Variants in NTRK2 observed in about 807,000 individuals in gnomAD.
NTRK2 encodes the protein BDNF/NT-3 growth factors receptor.
A neutral mutation model predicts 94.5 loss-of-function variants in NTRK2; 13 were observed. The observed-to-expected ratio is 0.14, with a 90% CI of 0.09 to 0.22. The LOEUF is 0.22. NTRK2 is among the 10% of genes least tolerant of loss of function. The probability of loss-of-function intolerance (pLI) is 1.00; values close to 1 mark genes in which losing one functional copy is unlikely to be tolerated. For synonymous variants in NTRK2, 372 were observed against 407.4 expected (o/e 0.91, Z 1.05); for missense variants, 639 against 1,071.2 (o/e 0.60, Z 5.63).
At chr9:84,821,341 A>T (rs1202676281) in intron 12 of NTRK2, among the ~76,000 whole-genome samples, 1 of 97,882 alleles carries the variant, frequency 1.0e-5, no homozygotes, top group Admixed American at 1.1e-4. Flanking sequence ...ACACACACAC[A>T]CACACCCCTA....
At chr9:84,771,028 T>TA (rs2066494233) in intron 12 of NTRK2, among the ~76,000 whole-genome samples, 1 of 152,194 alleles carries the variant, frequency 6.6e-6, no homozygotes, top group Non-Finnish European at 1.5e-5. Context: ...TAGGAAGAGA[T>TA]AAAATACATT....
intron 2 of NTRK2, among the ~76,000 whole-genome samples, chr9:84,671,485 A>G (rs2131276031): frequency 6.6e-6 from 1 of 152,310 alleles, no homozygotes; most frequent in East Asian, 1.9e-4. Context: ...GATTTTGCTT[A>G]GGAGATGGCA....
Position 84,741,937 on chromosome 9 carries a change from G to C in NTRK2, c.1195+10G>C, listed in dbSNP as rs769400820. The C allele has an allele frequency of 1.2e-6, 2 of 1,608,176 alleles. No individual in the cohort carries two copies. Among genetic ancestry groups the C allele is most frequent in the South Asian group, 1.1e-5 (1 of 90,836 alleles). ...GATGTAATTTATGAAGGTAGCTATC[G>C]TGTTTTCTACTTTGTATTTCTTTTT... On this transcript the variant is annotated intron_variant, in intron 10 of 18. Coordinates refer to ENST00000277120, the MANE Select transcript of NTRK2 (RefSeq NM_006180.6).
chr9:84,771,869 C>T (rs75594098), intron 12 of NTRK2, among the ~76,000 whole-genome samples: 2,691 of 152,218 alleles, frequency 0.018, 79 homozygotes, highest in African/African-American at 0.055. Flanking sequence ...AGGGCCACTT[C>T]GGGGTATCGT....
At chr9:85,016,206 A>G (rs564456607) in intron 17 of NTRK2, among the ~76,000 whole-genome samples, 5 of 152,276 alleles carry the variant, frequency 3.3e-5, no homozygotes, top group African/African-American at 1.2e-4. Flanking sequence ...TTCACATTTT[A>G]CCAATAAAGA....
At chr9:85,011,980 T>TATTTTATTTTATTTTATTTC in intron 17 of NTRK2, among the ~76,000 whole-genome samples, 1 of 149,654 alleles carries the variant, frequency 6.7e-6, no homozygotes, top group South Asian at 2.1e-4. Flanking sequence ...TATTTTATTT[T>TATTTTATTTTATTTTATTTC]ATTTTATTTT....
At chr9:84,944,213 T>TCACACA (rs1238064532) in intron 15 of NTRK2, among the ~76,000 whole-genome samples, 114 of 136,886 alleles carry the variant, frequency 8.3e-4, no homozygotes, top group Middle Eastern at 3.7e-3. Context: ...TCTCTCTCTC[T>TCACACA]CTCACACACA....
chr9:84,765,315 C>T (rs954365697), intron 12 of NTRK2, among the ~76,000 whole-genome samples: 1 of 152,088 alleles, frequency 6.6e-6, no homozygotes, highest in South Asian at 2.1e-4. Flanking sequence ...TCATGTACCC[C>T]ATAAATATGT....
intron 15 of NTRK2, among the ~76,000 whole-genome samples, chr9:84,944,192 T>TTCTCTCTCTC (rs61035000): frequency 1.5e-5 from 2 of 135,164 alleles, no homozygotes; most frequent in Non-Finnish European, 3.1e-5. Flanking sequence ...GAAAAGCTTG[T>TTCTCTCTCTC]TCTCTCTCTC....
At chr9:84,937,055 C>T (rs1435073713) in intron 15 of NTRK2, among the ~76,000 whole-genome samples, 1 of 152,176 alleles carries the variant, frequency 6.6e-6, no homozygotes, top group Non-Finnish European at 1.5e-5. Flanking sequence ...ACTCGCCAGC[C>T]TGACCTGCTC....
chr9:84,712,439 T>G (rs1373313971), intron 6 of NTRK2, among the ~76,000 whole-genome samples: 1 of 152,032 alleles, frequency 6.6e-6, no homozygotes, highest in African/African-American at 2.4e-5. Flanking sequence ...TGTCTAAGAG[T>G]GAGGTTTTGA....
intron 12 of NTRK2, among the ~76,000 whole-genome samples, chr9:84,792,422 T>C (rs1369572753): frequency 6.6e-6 from 1 of 152,204 alleles, no homozygotes; most frequent in Non-Finnish European, 1.5e-5. Context: ...AAAAATATCA[T>C]TGGATTTCCC....
At chr9:84,692,380 A>G (rs1275552636) in intron 2 of NTRK2, among the ~76,000 whole-genome samples, 1 of 152,132 alleles carries the variant, frequency 6.6e-6, no homozygotes, top group Non-Finnish European at 1.5e-5. Context: ...AACAGGTAAA[A>G]GTAACTTAAA....
intron 12 of NTRK2, among the ~76,000 whole-genome samples, chr9:84,809,233 T>G (rs887928584): frequency 6.6e-6 from 1 of 152,096 alleles, no homozygotes; most frequent in Admixed American, 6.5e-5. Flanking sequence ...CTGTCATTTA[T>G]TGAGCAAATT....
chr9:84,697,279 T>C (rs2060441346), intron 2 of NTRK2, among the ~76,000 whole-genome samples: 1 of 152,060 alleles, frequency 6.6e-6, no homozygotes, highest in South Asian at 2.1e-4. Context: ...GTGAGGCAAG[T>C]GCGGGGACAT....
intron 6 of NTRK2, among the ~76,000 whole-genome samples, chr9:84,718,575 T>C (rs1486998873): frequency 6.6e-6 from 1 of 152,174 alleles, no homozygotes; most frequent in Non-Finnish European, 1.5e-5. Context: ...GAGGTATCTG[T>C]CTGCCTGAGA....
At chr9:84,880,769 C>A (rs758494663) in intron 14 of NTRK2, among the ~76,000 whole-genome samples, 13 of 152,262 alleles carry the variant, frequency 8.5e-5, no homozygotes, top group South Asian at 2.1e-4. Context: ...CACTTCTTTA[C>A]TGGGCTTGGT....
rs138771294 is a variant in NTRK2 at position 84,752,042 on chromosome 9, G to A, written c.1353G>A (p.Leu451=). 3 of 1,614,044 alleles carry A rather than the reference G, an allele frequency of 1.9e-6. No homozygotes were observed. Among genetic ancestry groups the A allele is most frequent in the East Asian group, 4.5e-5 (2 of 44,866 alleles). The stretch of plus-strand genomic sequence containing the variant: ...TGGGATTTTGCCTTTTGGTAATGCT[G>A]TTTCTGCTTAAGTTGGCAAGACACT... ...SVVGFCLLVM[L]FLLKLARHSK... is the part of the protein sequence containing the mutation. Residue 451 remains leucine (L), a synonymous_variant, in exon 12 of 19, where the codon CTG becomes CTA. Coordinates refer to ENST00000277120, the MANE Select transcript of NTRK2 (RefSeq NM_006180.6).
intron 14 of NTRK2, among the ~76,000 whole-genome samples, chr9:84,910,564 A>C (rs768676958): frequency 6.6e-6 from 1 of 152,094 alleles, no homozygotes; most frequent in Non-Finnish European, 1.5e-5. Flanking sequence ...AACCTTAATT[A>C]CATCTGCAAA....
Sources: gnomAD v4.1 joint callset for allele counts (sites outside exome capture counted in the v4.1 genomes callset) on GRCh38, gnomAD v4.1.1 for gene constraint, MANE v1.5 for transcripts, NCBI Gene and HGNC (gene_info 2026-07-23, HGNC 2026-07-21) for gene names.